ZNF518B: variants seen among roughly 807,000 people sequenced by gnomAD.
The protein encoded by ZNF518B is zinc finger protein 518B.
A neutral mutation model predicts 56.3 loss-of-function variants in ZNF518B; 23 were observed. The observed-to-expected ratio is 0.41, with a 90% CI of 0.29 to 0.58. ZNF518B has a LOEUF of 0.58. ZNF518B is among the 20% of genes least tolerant of loss of function. ZNF518B has a pLI of 0.32. For missense variants in ZNF518B, 1,460 were observed against 1,272.1 expected (o/e 1.15, Z -2.25); for synonymous variants, 529 against 465.9 (o/e 1.14, Z -1.74).
intron 2 of ZNF518B, among the ~76,000 whole-genome samples, chr4:10,450,188 C>A (rs1715243282): frequency 6.6e-6 from 1 of 152,108 alleles, no homozygotes; most frequent in African/African-American, 2.4e-5. Flanking sequence ...GGAGCAAGTG[C>A]CAATATGAAG....
intron 2 of ZNF518B, chr4:10,454,350 A>C (rs1202764260): frequency 6.6e-6 from 1 of 152,396 alleles, no homozygotes; most frequent in East Asian, 1.9e-4. Context: ...AGTGCCTGGC[A>C]TAGTGTGAGT....
chr4:10,455,569 C>T (rs1715492193), intron 1 of ZNF518B, among the ~76,000 whole-genome samples: 1 of 152,134 alleles, frequency 6.6e-6, no homozygotes, highest in South Asian at 2.1e-4. Context: ...AAACTGGCCC[C>T]GATGCCCTTA....
In ZNF518B at chr4:10,444,387, C is replaced by T. The variant is rs1714862982; in HGVS notation, c.1942G>A (p.Glu648Lys). 6 of 1,614,146 alleles carry T rather than the reference C, an allele frequency of 3.7e-6. No homozygotes were observed. Among genetic ancestry groups the T allele is most frequent in the Non-Finnish European group, 4.2e-6 (5 of 1,180,020 alleles). Residue 648 changes from glutamate (E) to lysine (K), a missense_variant, in exon 3 of 3, where the codon GAG (glutamate) becomes AAG (lysine). Physicochemically the swap from Glu to Lys is moderately conservative, Grantham distance 56. Transcript: ENST00000326756. ...SLSSGSENVP[E>K]GIKWNSSTSK... ...GTTGAGCTATTCCACTTAATGCCCT[C>T]GGGGACATTTTCAGATCCAGAGCTC...
rs1714706572 is a variant in ZNF518B at position 10,442,068 on chromosome 4, G to A, written c.*1036C>T. On this transcript the variant is annotated 3_prime_UTR_variant, in exon 3 of 3. Coordinates refer to ENST00000326756, the MANE Select transcript of ZNF518B (RefSeq NM_053042.3). ...AAGGAAGTTGTGCTAGTCCACAGGA[G>A]GGCCGGTTCAGAAGAAATGGCAAAG... 1 of 152,262 alleles carries A rather than the reference G, an allele frequency of 6.6e-6. No homozygotes were observed. Among genetic ancestry groups the A allele is most frequent in the African/African-American group, 2.4e-5 (1 of 41,448 alleles). The allele number at this position is 152,262 out of a possible 1,614,324, so 9.4% of individuals were successfully genotyped here.
rs1350804527 is a variant in ZNF518B at position 10,445,490 on chromosome 4, T to G, written c.839A>C (p.Glu280Ala). Reference sequence around the variant, plus strand: ...TACATCTTTTTGGTATTCCTTTGGTTCAGGTAACAACATGATATTGTGCAT... The same window carrying G: ...TACATCTTTTTGGTATTCCTTTGGTGCAGGTAACAACATGATATTGTGCAT... Reference protein sequence around the residue: ...DKMHNIMLLPEPKEYQKDVVC... With the variant: ...DKMHNIMLLPAPKEYQKDVVC... The change falls in exon 3 of 3, where the codon GAA becomes GCA. Residue 280 changes from glutamate to alanine, a missense_variant. Transcript: ENST00000326756. 3.7e-6 allele frequency: 6 copies of G among 1,614,210 alleles called. No homozygotes were observed. The South Asian group carries it at 6.6e-5, about 18-fold the overall frequency.
Position 10,444,046 on chromosome 4 carries a change from G to T in ZNF518B, c.2283C>A (p.Ala761=), listed in dbSNP as rs1714828598. 3.7e-6 allele frequency: 6 copies of T among 1,614,074 alleles called. No individual in the cohort carries two copies. The highest frequency in any genetic ancestry group is 1.7e-5 in the Admixed American group (1 of 60,008). Residue 761 remains alanine (A), a synonymous_variant, in exon 3 of 3, where the codon GCC becomes GCA. Coordinates refer to ENST00000326756, the MANE Select transcript of ZNF518B (RefSeq NM_053042.3). ...CTGGCGTGGCAACATGAGCCTTCCT[G>T]GCCACTCTGCTTTTGGTTTTCCTAT... The part of the protein sequence containing the change: ...GSNRKTKSRV[A]RKAHVATPVL...
chr4:10,445,305 T>A lies in ZNF518B; in HGVS notation c.1024A>T (p.Asn342Tyr), dbSNP rs778797072. 6.2e-7 allele frequency: 1 copy of A among 1,614,198 alleles called. No homozygotes were observed. Among genetic ancestry groups the A allele is most frequent in the South Asian group, 1.1e-5 (1 of 91,086 alleles). The change falls in exon 3 of 3, where the codon AAC becomes TAC. Residue 342 changes from asparagine to tyrosine, a missense_variant. Asn to Tyr is a moderately radical substitution (Grantham distance 143). Transcript: ENST00000326756. ...ACATCTATCAACTGGGCTAAACAGTTTGCAGGGACAACTAGTTCTGCTGGT... is the reference window on the plus strand; with the variant it reads ...ACATCTATCAACTGGGCTAAACAGTATGCAGGGACAACTAGTTCTGCTGGT... ...VAPAELVVPA[N>Y]CLAQLIDVKV... is the part of the protein sequence containing the mutation.
At chr4:10,447,841 G>T (rs1715135522) in intron 2 of ZNF518B, among the ~76,000 whole-genome samples, 1 of 152,012 alleles carries the variant, frequency 6.6e-6, no homozygotes, top group Non-Finnish European at 1.5e-5. Context: ...TAGAGACAGG[G>T]TTTCTCCATG....
intron 2 of ZNF518B, among the ~76,000 whole-genome samples, chr4:10,447,958 CTT>C (rs1333711823): frequency 1.3e-5 from 2 of 152,156 alleles, no homozygotes; most frequent in Non-Finnish European, 2.9e-5. Context: ...CACAGTGACT[CTT>C]TTATACAATC....
chr4:10,453,274 A>C (rs1300389745), intron 2 of ZNF518B: 1 of 152,248 alleles, frequency 6.6e-6, no homozygotes, highest in Non-Finnish European at 1.5e-5. Flanking sequence ...TCACAGGTAG[A>C]AGAGTCCAGT....
At chr4:10,453,219 G>A (rs986452019) in intron 2 of ZNF518B, 4 of 152,250 alleles carry the variant, frequency 2.6e-5, no homozygotes, top group African/African-American at 4.8e-5. Context: ...GCAAAGAGTA[G>A]ATGTTTCGTT....
chr4:10,443,032 C>T lies in ZNF518B; in HGVS notation c.*72G>A, dbSNP rs1714752061. Reference sequence around the variant, plus strand: ...ATTTCTACAGTCTGTATTTCTTCTACTGAATCTTGGTGGAGGGACTCCAAA... The same window carrying T: ...ATTTCTACAGTCTGTATTTCTTCTATTGAATCTTGGTGGAGGGACTCCAAA... On this transcript the variant is annotated 3_prime_UTR_variant, in exon 3 of 3. Coordinates refer to ENST00000326756, the MANE Select transcript of ZNF518B (RefSeq NM_053042.3). 7.5e-7 allele frequency: 1 copy of T among 1,339,336 alleles called. No individual in the cohort carries two copies. Among genetic ancestry groups the T allele is most frequent in the Non-Finnish European group, 1.0e-6 (1 of 978,452 alleles). The allele number at this position is 1,339,336 out of a possible 1,614,324, so 83.0% of individuals were successfully genotyped here.
At chr4:10,460,304 CAAAAAAA>C (rs1210892613), upstream of ZNF518B, among the ~76,000 whole-genome samples, 2 of 8,804 alleles carry the variant, frequency 2.3e-4, no homozygotes, top group African/African-American at 1.5e-3. Flanking sequence ...GACTCTGTCT[CAAAAAAA>C]AAAAAAAAAA....
upstream of ZNF518B, among the ~76,000 whole-genome samples, chr4:10,457,578 T>TA (rs1715606550): frequency 6.6e-6 from 1 of 152,232 alleles, no homozygotes; most frequent in African/African-American, 2.4e-5. Flanking sequence ...CTTCTGGGCT[T>TA]AGAGCTTGAC....
rs1245409973 is a variant in ZNF518B at position 10,441,090 on chromosome 4, C to T, written c.*2014G>A. On this transcript the variant is annotated 3_prime_UTR_variant, in exon 3 of 3. Transcript: ENST00000326756. ...TCACTTGTTCACATAAACCAGACCCCATCATTCCTGTGCTTTCATTTTCCA... is the reference window on the plus strand; with the variant it reads ...TCACTTGTTCACATAAACCAGACCCTATCATTCCTGTGCTTTCATTTTCCA... 1 of 152,554 alleles carries T rather than the reference C, an allele frequency of 6.6e-6. No homozygotes were observed. Among genetic ancestry groups the T allele is most frequent in the Non-Finnish European group, 1.5e-5 (1 of 68,030 alleles). 9.5% of individuals were successfully genotyped at this position (152,554 alleles called of 1,614,324 possible). A position where few individuals can be genotyped will look rare whatever the true frequency, so the allele number is the denominator to read the frequency against.
chr4:10,444,856 T>C lies in ZNF518B; in HGVS notation c.1473A>G (p.Lys491=), dbSNP rs776341487. 2 of 1,613,986 alleles carry C rather than the reference T, an allele frequency of 1.2e-6. No individual in the cohort carries two copies. Among genetic ancestry groups the C allele is most frequent in the Non-Finnish European group, 1.7e-6 (2 of 1,179,948 alleles). The change falls in exon 3 of 3, where the codon AAA becomes AAG. Residue 491 remains lysine, a synonymous_variant. Transcript: ENST00000326756. ...CTCCAAGACTACGTAAAACACTGTT[T>C]TTAAATACAGATGCTAGAGAATGAC... ...LKGHSLASVF[K]NSVLRSLGAA... is the part of the protein sequence containing the mutation.
Position 10,446,333 on chromosome 4 carries a change from T to C in ZNF518B, c.-5A>G. 6.3e-7 allele frequency: 1 copy of C among 1,595,500 alleles called. No individual in the cohort carries two copies. Among genetic ancestry groups the C allele is most frequent in the Non-Finnish European group, 8.5e-7 (1 of 1,170,406 alleles). On this transcript the variant is annotated 5_prime_UTR_variant, in exon 3 of 3. Transcript: ENST00000326756. Reference sequence around the variant, plus strand: ...CTGCTGTCCAATATCCTTCATCTTATCTGCATTTCTAAAAAGAGCCAACTA... The same window carrying C: ...CTGCTGTCCAATATCCTTCATCTTACCTGCATTTCTAAAAAGAGCCAACTA...
intron 2 of ZNF518B, among the ~76,000 whole-genome samples, chr4:10,450,327 TTA>T (rs2108992984): frequency 6.6e-6 from 1 of 152,372 alleles, no homozygotes; most frequent in East Asian, 1.9e-4. Flanking sequence ...TAATGCAATG[TTA>T]CTACATTGCC....
Position 10,446,016 on chromosome 4 carries a change from A to G in ZNF518B, c.313T>C (p.Ser105Pro), listed in dbSNP as rs10016702. 0.12 allele frequency: 189,039 copies of G among 1,613,996 alleles called. 14,635 individuals are homozygous for G. The highest frequency in any genetic ancestry group is 0.4 in the African/African-American group (29,644 of 74,952). The change falls in exon 3 of 3, where the codon TCC becomes CCC. Residue 105 changes from serine to proline, a missense_variant. Physicochemically the swap from Ser to Pro is moderately conservative, Grantham distance 74 (BLOSUM62 -1). Coordinates refer to ENST00000326756, the MANE Select transcript of ZNF518B (RefSeq NM_053042.3). ...PPNFHFVSNN[S>P]SATHVGNKTE... Reference sequence around the variant, plus strand: ...TTATTTCCAACATGAGTCGCACTGGAATTATTGCTCACAAAATGAAAATTG... The same window carrying G: ...TTATTTCCAACATGAGTCGCACTGGGATTATTGCTCACAAAATGAAAATTG...
Sources: gnomAD v4.1 joint callset for allele counts (sites outside exome capture counted in the v4.1 genomes callset) on GRCh38, gnomAD v4.1.1 for gene constraint, MANE v1.5 for transcripts, NCBI Gene and HGNC (gene_info 2026-07-23, HGNC 2026-07-21) for gene names.